WBP1L: variants seen among roughly 807,000 people sequenced by gnomAD.
The protein encoded by WBP1L is WW domain binding protein 1-like.
Under a neutral mutation model 33.7 loss-of-function variants are expected in WBP1L, and 17 were observed. The observed-to-expected ratio is 0.50, with a 90% CI of 0.34 to 0.76. WBP1L has a LOEUF of 0.76. Ranked by LOEUF, WBP1L falls within the 30% of genes least tolerant of loss-of-function variation. WBP1L has a pLI of 0.01. For synonymous variants in WBP1L, 173 were observed against 190.8 expected (o/e 0.91, Z 0.77); for missense variants, 389 against 469.4 (o/e 0.83, Z 1.58).
intron 2 of WBP1L, among the ~76,000 whole-genome samples, chr10:102,808,815 G>T (rs575167238): frequency 6.6e-6 from 1 of 152,176 alleles, no homozygotes; most frequent in Admixed American, 6.5e-5. Flanking sequence ...TTGTCAGGGG[G>T]CCCCTCTGAG....
Position 102,813,281 on chromosome 10 carries a change from A to T in WBP1L, c.1042A>T (p.Ile348Phe). The T allele has an allele frequency of 1.2e-6, 2 of 1,612,790 alleles. No individual in the cohort carries two copies. The highest frequency in any genetic ancestry group is 1.7e-6 in the Non-Finnish European group (2 of 1,179,930). Residue 348 changes from isoleucine to phenylalanine, a missense_variant, in exon 4 of 4, where the codon ATC (isoleucine) becomes TTC (phenylalanine). Coordinates refer to ENST00000448841, the MANE Select transcript of WBP1L (RefSeq NM_001083913.2). ...RPPACLLLNT[I>F]NEQDSPNSQS... ...GCCCGCATGCCTGCTGCTGAACACC[A>T]TCAACGAGCAGGACTCTCCCAACTC... is the stretch of plus-strand genomic sequence containing the variant.
intron 1 of WBP1L, chr10:102,744,459 C>T: frequency 1.0e-6 from 1 of 985,314 alleles, no homozygotes; most frequent in Non-Finnish European, 1.2e-6. Flanking sequence ...ATTCGTGTCC[C>T]TCTGTGGAGC....
chr10:102,749,636 T>A (rs2801050), intron 1 of WBP1L, among the ~76,000 whole-genome samples: 36,037 of 151,132 alleles, frequency 0.24, 4,701 homozygotes, highest in Non-Finnish European at 0.27. Context: ...ATTAAAAAAA[T>A]TTTTTTATAG....
At chr10:102,766,441 CAAAAAAAAAAAA>C (rs56812691) in intron 1 of WBP1L, among the ~76,000 whole-genome samples, 2 of 57,460 alleles carry the variant, frequency 3.5e-5, no homozygotes, top group Non-Finnish European at 6.1e-5. Context: ...AACTCTGTCT[CAAAAAAAAAAAA>C]AAAAAAAAAG....
chr10:102,756,611 G>A (rs1380829843), intron 1 of WBP1L, among the ~76,000 whole-genome samples: 2 of 152,088 alleles, frequency 1.3e-5, no homozygotes, highest in Non-Finnish European at 2.9e-5. Flanking sequence ...ATTTCACACA[G>A]TGCTACGTTG....
intron 1 of WBP1L, among the ~76,000 whole-genome samples, chr10:102,781,591 C>T (rs759800788): frequency 6.6e-6 from 1 of 152,020 alleles, no homozygotes; most frequent in Non-Finnish European, 1.5e-5. Flanking sequence ...AGCAGAGGAC[C>T]GAATGTTGAC....
At chr10:102,762,238 A>C (rs1056608269) in intron 1 of WBP1L, among the ~76,000 whole-genome samples, 3 of 152,190 alleles carry the variant, frequency 2.0e-5, no homozygotes, top group African/African-American at 7.2e-5. Context: ...TGAATCTCTG[A>C]AAGATAACAA....
chr10:102,813,224 C>G lies in WBP1L; in HGVS notation c.985C>G (p.Arg329Gly), dbSNP rs866862288. 1 of 1,612,764 alleles carries G rather than the reference C, an allele frequency of 6.2e-7. No individual in the cohort carries two copies. Among genetic ancestry groups the G allele is most frequent in the South Asian group, 1.1e-5 (1 of 91,066 alleles). The change falls in exon 4 of 4, where the codon CGA becomes GGA. Residue 329 changes from arginine to glycine, a missense_variant. By Grantham distance (125) the Arg-to-Gly change is moderately radical (BLOSUM62 -2). Transcript: ENST00000448841. ...CTGTCAGTCCTCTGAGGAGCAGGCT[C>G]GAGAGCCTGGGCACCCGCACCTGCC... is the stretch of plus-strand genomic sequence containing the variant. ...GLCQSSEEQA[R>G]EPGHPHLPRP...
At chr10:102,790,239 G>T (rs1236105374) in intron 1 of WBP1L, among the ~76,000 whole-genome samples, 3 of 151,882 alleles carry the variant, frequency 2.0e-5, no homozygotes, top group African/African-American at 4.8e-5. Flanking sequence ...TCTCCTCTCT[G>T]TGTGACCCAT....
At chr10:102,801,430 TA>T (rs1384174415) in intron 2 of WBP1L, among the ~76,000 whole-genome samples, 2 of 152,204 alleles carry the variant, frequency 1.3e-5, no homozygotes, top group Non-Finnish European at 2.9e-5. Flanking sequence ...ACTGAGAATT[TA>T]AAAACCTGAG....
chr10:102,798,182 T>C, intron 2 of WBP1L, 87 bp downstream of exon 2: 1 of 1,162,036 alleles, frequency 8.6e-7, no homozygotes, highest in South Asian at 1.3e-5. Flanking sequence ...TTAGCCCTTT[T>C]CGGATTCTCT....
At chr10:102,766,555 G>A (rs1193993605) in intron 1 of WBP1L, among the ~76,000 whole-genome samples, 1 of 151,946 alleles carries the variant, frequency 6.6e-6, no homozygotes, top group Non-Finnish European at 1.5e-5. Context: ...CTGCGAGGTT[G>A]GAGGCTACAG....
At chr10:102,761,730 G>T (rs1294996902) in intron 1 of WBP1L, among the ~76,000 whole-genome samples, 2 of 151,636 alleles carry the variant, frequency 1.3e-5, no homozygotes, top group Non-Finnish European at 2.9e-5. Flanking sequence ...TGTATTTTTA[G>T]TAGAGATGGG....
Position 102,813,118 on chromosome 10 carries a change from C to T in WBP1L, c.879C>T (p.Leu293=), listed in dbSNP as rs777463892. 7 of 1,614,016 alleles carry T rather than the reference C, an allele frequency of 4.3e-6. No individual in the cohort carries two copies. The highest frequency in any genetic ancestry group is 1.1e-5 in the South Asian group (1 of 91,080). The change falls in exon 4 of 4, where the codon CTC becomes CTT. Residue 293 remains leucine (L), a synonymous_variant. Transcript: ENST00000448841. ...ATGACCTCAAAGAGTTCAACACACT[C>T]ATCGATGATGCTCTGGATGGGCCCC... ...HDDDLKEFNT[L]IDDALDGPLD...
At chr10:102,759,712 A>G (rs2902549) in intron 1 of WBP1L, among the ~76,000 whole-genome samples, 32,236 of 151,978 alleles carry the variant, frequency 0.21, 3,524 homozygotes, top group Middle Eastern at 0.31. Flanking sequence ...CTGGGGAGTA[A>G]GCTATTCACA....
At chr10:102,776,511 A>G in intron 1 of WBP1L, 1 of 1,547,082 alleles carries the variant, frequency 6.5e-7, no homozygotes, top group Non-Finnish European at 8.9e-7. Flanking sequence ...ATATTTTAGC[A>G]AATGCCTCTC....
intron 1 of WBP1L, among the ~76,000 whole-genome samples, chr10:102,747,766 G>T (rs562381157): frequency 1.3e-5 from 2 of 152,252 alleles, no homozygotes; most frequent in East Asian, 3.9e-4. Flanking sequence ...GGGCTCAAGC[G>T]ATCTGCCCAT....
intron 1 of WBP1L, among the ~76,000 whole-genome samples, chr10:102,793,689 A>C (rs1381805855): frequency 6.6e-6 from 1 of 152,094 alleles, no homozygotes; most frequent in Non-Finnish European, 1.5e-5. Context: ...TGATAGTAGG[A>C]GCCCAGAGAA....
chr10:102,784,813 A>G (rs1024344625), intron 1 of WBP1L, among the ~76,000 whole-genome samples: 1 of 151,164 alleles, frequency 6.6e-6, no homozygotes, highest in Non-Finnish European at 1.5e-5. Flanking sequence ...CTCCCACTTC[A>G]GCCTCCCAAA....
Sources: allele counts gnomAD v4.1 joint callset (sites outside exome capture counted in the v4.1 genomes callset), GRCh38; gene constraint gnomAD v4.1.1; transcripts MANE v1.5; gene names NCBI Gene and HGNC (gene_info 2026-07-23, HGNC 2026-07-21).